COG5: variants seen among roughly 807,000 people sequenced by gnomAD.
The protein encoded by COG5 is component of oligomeric golgi complex 5.
Under a neutral mutation model 110.4 loss-of-function variants are expected in COG5, and 86 were observed. The ratio of observed to expected loss-of-function variants is 0.78; its 90% CI spans 0.65 to 0.93. COG5 has a LOEUF of 0.93. Ranked by LOEUF, COG5 falls within the 40% of genes least tolerant of loss-of-function variation. The probability of loss-of-function intolerance (pLI) is 0.00; values close to 1 mark genes in which losing one functional copy is unlikely to be tolerated. For missense variants in COG5, 1,077 were observed against 987.0 expected, an observed-to-expected ratio of 1.09 and a Z score of -1.22; for synonymous variants, 360 against 334.6, an observed-to-expected ratio of 1.08 and a Z score of -0.83.
intron 11 of COG5, among the ~76,000 whole-genome samples, chr7:107,324,045 T>C (rs1809541758): frequency 6.6e-6 from 1 of 152,144 alleles, no homozygotes; most frequent in Admixed American, 6.5e-5. Flanking sequence ...TTTTTAACAA[T>C]AAAAAATTTG....
intron 19 of COG5, among the ~76,000 whole-genome samples, chr7:107,230,360 C>G (rs965641776): frequency 6.6e-6 from 1 of 151,960 alleles, no homozygotes; most frequent in African/African-American, 2.4e-5. Context: ...AAATTCTCCC[C>G]AAGAAAAGCA....
At chr7:107,241,703 C>T (rs1260180878) in intron 17 of COG5, among the ~76,000 whole-genome samples, 2 of 152,116 alleles carry the variant, frequency 1.3e-5, no homozygotes, top group Non-Finnish European at 2.9e-5. Context: ...CCGCCCGTCT[C>T]GGCCTCCCAA....
chr7:107,406,717 TG>T (rs1791868478), intron 7 of COG5, among the ~76,000 whole-genome samples: 1 of 152,184 alleles, frequency 6.6e-6, no homozygotes, highest in African/African-American at 2.4e-5. Context: ...GATAATATTT[TG>T]GTTTCAAAAA....
chr7:107,315,339 T>C (rs1213187454), intron 11 of COG5, among the ~76,000 whole-genome samples: 1 of 152,168 alleles, frequency 6.6e-6, no homozygotes, highest in East Asian at 1.9e-4. Flanking sequence ...TCAATGTATC[T>C]CTTATTCATT....
At chr7:107,378,894 C>T (rs1189225326) in intron 7 of COG5, among the ~76,000 whole-genome samples, 1 of 152,102 alleles carries the variant, frequency 6.6e-6, no homozygotes, top group African/African-American at 2.4e-5. Context: ...CAAGACAGGC[C>T]AATATTCAAA....
intron 3 of COG5, chr7:107,549,135 T>A (rs1297121944): frequency 6.6e-6 from 1 of 152,224 alleles, no homozygotes; most frequent in African/African-American, 2.4e-5. Flanking sequence ...AGATTCCCAC[T>A]TTTCTGCTGG....
intron 6 of COG5, among the ~76,000 whole-genome samples, chr7:107,512,309 G>A (rs1256448050): frequency 6.6e-6 from 1 of 152,090 alleles, no homozygotes; most frequent in South Asian, 2.1e-4. Flanking sequence ...GCTTCAAAGA[G>A]AATAAAATAC....
intron 6 of COG5, among the ~76,000 whole-genome samples, chr7:107,498,930 T>C (rs1798452066): frequency 6.6e-6 from 1 of 152,134 alleles, no homozygotes; most frequent in African/African-American, 2.4e-5. Flanking sequence ...TTTTTAAATG[T>C]GATATATATA....
chr7:107,457,407 G>A (rs918355334), intron 6 of COG5, among the ~76,000 whole-genome samples: 10 of 149,256 alleles, frequency 6.7e-5, no homozygotes, highest in African/African-American at 2.5e-4. Flanking sequence ...AAAATACCAA[G>A]TCTAAAATAT....
At position 107,324,458 on chromosome 7, in the gene COG5, A is replaced by G. The variant is rs776960610; in HGVS notation, c.1090T>C (p.Phe364Leu). 1.2e-6 allele frequency: 2 copies of G among 1,600,034 alleles called. No individual in the cohort carries two copies. Among genetic ancestry groups the G allele is most frequent in the Admixed American group, 1.7e-5 (1 of 59,754 alleles). Reference sequence around the variant, plus strand: ...AACTTACAGTTTGTTGCCATATGAAATTGAGAAGAAAGTGCCTGAGTAACT... The same window carrying G: ...AACTTACAGTTTGTTGCCATATGAAGTTGAGAAGAAAGTGCCTGAGTAACT... The part of the protein sequence containing the change: ...NSVTQALSSQ[F>L]HMATNSSMFL... The change falls in exon 11 of 22, where the codon TTT becomes CTT. Residue 364 changes from phenylalanine to leucine, a missense_variant. Transcript: ENST00000297135.
rs747502585 is a variant in COG5, at chr7:107,372,749, T to C, written c.681A>G (p.Gln227=). 6.8e-6 allele frequency: 11 copies of C among 1,613,526 alleles called. No homozygotes were observed. The highest frequency in any genetic ancestry group is 9.3e-6 in the Non-Finnish European group (11 of 1,179,722). Residue 227 remains glutamine, a synonymous_variant, in exon 8 of 22, where the codon CAA becomes CAG. Coordinates refer to ENST00000297135, the MANE Select transcript of COG5 (RefSeq NM_006348.5). The part of the protein sequence containing the change: ...EQGLETQNPT[Q]VGTALQVFYN... ...AGAAAACCTGAAGAGCTGTTCCGAC[T>C]TGAGTTGGATTCTTAAAAAAAGGTG... is the stretch of plus-strand genomic sequence containing the variant.
At position 107,277,833 on chromosome 7, in the gene COG5, C is replaced by T. The variant is rs534670740; in HGVS notation, c.1575+3467G>A. ...GAGATTTAGGTTTGTATAACACATA[C>T]CTTTGGTGATTAGTAACAGAAAAGC... On this transcript the variant is annotated intron_variant, in intron 14 of 21. Transcript: ENST00000297135. Among the ~76,000 whole-genome samples, 11 of 152,006 alleles carry T rather than the reference C, an allele frequency of 7.2e-5. No homozygotes were observed. The East Asian group carries it at 1.9e-3, about 27-fold the overall frequency.
chr7:107,226,593 A>G (rs1050306945), intron 19 of COG5, among the ~76,000 whole-genome samples: 10 of 152,262 alleles, frequency 6.6e-5, no homozygotes, highest in African/African-American at 2.4e-4. Flanking sequence ...ACTGCAAAGA[A>G]GCTGGCAGGG....
At chr7:107,356,712 A>G (rs1584722323) in intron 10 of COG5, among the ~76,000 whole-genome samples, 1 of 152,166 alleles carries the variant, frequency 6.6e-6, no homozygotes, top group East Asian at 1.9e-4. Flanking sequence ...AAAAGTATTA[A>G]TTTCTGAACA....
chr7:107,530,258 C>T (rs897668473), intron 5 of COG5, among the ~76,000 whole-genome samples: 2 of 152,154 alleles, frequency 1.3e-5, no homozygotes, highest in African/African-American at 2.4e-5. Context: ...TCTCGGCTAG[C>T]TTTCAAGTCT....
chr7:107,217,283 T>C (rs966459117), intron 19 of COG5, among the ~76,000 whole-genome samples: 1 of 152,086 alleles, frequency 6.6e-6, no homozygotes, highest in African/African-American at 2.4e-5. Flanking sequence ...GCCCAGGACC[T>C]GATGGCTCCA....
chr7:107,324,376 G>T, intron 11 of COG5, 64 bp downstream of exon 11: 1 of 1,035,832 alleles, frequency 9.7e-7, no homozygotes, highest in South Asian at 1.4e-5. Flanking sequence ...AAAGCTTCTT[G>T]ACATCAAATG....
chr7:107,320,623 T>C (rs1355150558), intron 11 of COG5, among the ~76,000 whole-genome samples: 3 of 152,216 alleles, frequency 2.0e-5, no homozygotes, highest in Non-Finnish European at 4.4e-5. Flanking sequence ...CTAAAACTGG[T>C]TGCAATTGCA....
chr7:107,221,167 C>T (rs1328786656), intron 19 of COG5, among the ~76,000 whole-genome samples: 2 of 151,944 alleles, frequency 1.3e-5, no homozygotes, highest in Admixed American at 6.6e-5. Context: ...TTCAGCAGTA[C>T]ATTGGTCCTG....
Sources: allele counts gnomAD v4.1 joint callset (sites outside exome capture counted in the v4.1 genomes callset), GRCh38; gene constraint gnomAD v4.1.1; transcripts MANE v1.5; gene names NCBI Gene and HGNC (gene_info 2026-07-23, HGNC 2026-07-21).